CAMK2A: variants seen among roughly 807,000 people sequenced by gnomAD.
CAMK2A encodes calcium/calmodulin-dependent protein kinase type II subunit alpha.
A neutral mutation model predicts 79.2 loss-of-function variants in CAMK2A; 7 were observed. That is an observed-to-expected ratio of 0.09 (90% CI 0.05 to 0.17). The LOEUF is 0.17. Among genes scored for constraint, CAMK2A ranks in the 10% least tolerant of loss-of-function variants. The pLI, the probability that CAMK2A is intolerant of heterozygous loss-of-function variation, is 1.00. For synonymous variants in CAMK2A, 242 were observed against 251.7 expected, an observed-to-expected ratio of 0.96 and a Z score of 0.36; for missense variants, 214 against 646.4, an observed-to-expected ratio of 0.33 and a Z score of 7.25.
chr5:150,260,716 C>A (rs568141588), intron 3 of CAMK2A, among the ~76,000 whole-genome samples: 129 of 152,240 alleles, frequency 8.5e-4, no homozygotes, highest in African/African-American at 3.0e-3. Context: ...TATGGTAGCA[C>A]GTATCATTAA....
rs1754322406 is a variant in CAMK2A at position 150,221,791 on chromosome 5, CA to C, written c.*918del. ...ACTAGAACAGAAAAAAACTACCCCT[CA>C]CCCCTCTTCCTACACCCCTTCCAAC... On this transcript the variant is annotated 3_prime_UTR_variant, in exon 19 of 19. Coordinates refer to ENST00000671881, the MANE Select transcript of CAMK2A (RefSeq NM_015981.4). The C allele has an allele frequency of 2.5e-6, 1 of 394,466 alleles. No individual in the cohort carries two copies. Among genetic ancestry groups the C allele is most frequent in the Non-Finnish European group, 4.5e-6 (1 of 224,212 alleles). 24.4% of individuals were successfully genotyped at this position (394,466 alleles called of 1,614,324 possible).
intron 2 of CAMK2A, among the ~76,000 whole-genome samples, chr5:150,272,794 A>C (rs1039342226): frequency 6.6e-6 from 1 of 151,854 alleles, no homozygotes; most frequent in Non-Finnish European, 1.5e-5. Context: ...GAGAGTAGGG[A>C]AAGGAGGGCC....
At chr5:150,276,805 G>A (rs185429004) in intron 1 of CAMK2A, among the ~76,000 whole-genome samples, 425 of 152,308 alleles carry the variant, frequency 2.8e-3, no homozygotes, top group Non-Finnish European at 4.6e-3. Flanking sequence ...TAGAGGAAGG[G>A]ATGGTTGGAC....
In CAMK2A at chr5:150,284,645, G is replaced by A. The variant is rs1414679008; in HGVS notation, c.62+4919C>T. ...GCTTGGAGGAGAGGGAGGAAAGCTC[G>A]TCCCTTCCCTGTTCCTGCCACCCTT... On this transcript the variant is annotated intron_variant, in intron 1 of 18. Transcript: ENST00000671881. The surrounding 1 kb of genome is among the most constrained non-coding windows in gnomAD (Gnocchi z 5.3). 5.3e-5 allele frequency among the ~76,000 whole-genome samples: 8 copies of A among 152,152 alleles called. No homozygotes were observed. The highest frequency in any genetic ancestry group is 7.2e-5 in the African/African-American group (3 of 41,436).
At chr5:150,286,627 G>C (rs192373289) in intron 1 of CAMK2A, among the ~76,000 whole-genome samples, 1 of 152,352 alleles carries the variant, frequency 6.6e-6, no homozygotes, top group Admixed American at 6.5e-5. Flanking sequence ...TTCTGGAACG[G>C]GGGCTTAGCT....
intron 18 of CAMK2A, 137 bp from the exon 19 acceptor site, chr5:150,222,850 G>A: frequency 2.2e-6 from 3 of 1,384,748 alleles, no homozygotes; most frequent in Admixed American, 3.4e-5. Context: ...CTGCAGGCCT[G>A]GCCCCCTTCT....
chr5:150,267,195 G>T (rs13360565), intron 2 of CAMK2A, among the ~76,000 whole-genome samples: 58,198 of 152,042 alleles, frequency 0.38, 11,701 homozygotes, highest in East Asian at 0.57. Context: ...CAGAGGAAGG[G>T]ATGCCCATCC....
intron 13 of CAMK2A, among the ~76,000 whole-genome samples, chr5:150,242,945 T>C (rs1183131451): frequency 6.6e-6 from 1 of 152,166 alleles, no homozygotes; most frequent in African/African-American, 2.4e-5. Flanking sequence ...AGGAGTTGCC[T>C]TTGAGCTCCT....
Position 150,269,216 on chromosome 5 carries a change from AC to A in CAMK2A, c.157+3848del, listed in dbSNP as rs150524778. ...CAATGCCCATGATGATATCTTGGGA[AC>A]CTTTTTGCTTCCTCCCCAGATGGTT... is the stretch of plus-strand genomic sequence containing the variant. On this transcript the variant is annotated intron_variant, in intron 2 of 18. Coordinates refer to ENST00000671881, the MANE Select transcript of CAMK2A (RefSeq NM_015981.4). 4.4e-3 allele frequency among the ~76,000 whole-genome samples: 665 copies of A among 152,244 alleles called. 4 individuals are homozygous for A. The highest frequency in any genetic ancestry group is 0.015 in the African/African-American group (633 of 41,550).
chr5:150,265,731 C>T (rs1444063714), intron 2 of CAMK2A, among the ~76,000 whole-genome samples: 1 of 152,074 alleles, frequency 6.6e-6, no homozygotes, highest in Non-Finnish European at 1.5e-5. Context: ...CACTTGAGCT[C>T]AGGAGTTCGA....
chr5:150,285,705 A>G (rs1757396387), intron 1 of CAMK2A, among the ~76,000 whole-genome samples: 1 of 151,966 alleles, frequency 6.6e-6, no homozygotes, highest in Admixed American at 6.6e-5. Context: ...CCTTGAGTCA[A>G]TTTCAGATCT....
Position 150,221,788 on chromosome 5 carries a change from C to T in CAMK2A, c.*922G>A, listed in dbSNP as rs1455081215. 5.1e-6 allele frequency: 2 copies of T among 395,220 alleles called. No homozygotes were observed. Among genetic ancestry groups the T allele is most frequent in the Non-Finnish European group, 8.9e-6 (2 of 224,618 alleles). 24.5% of individuals were successfully genotyped at this position (395,220 alleles called of 1,614,324 possible). On this transcript the variant is annotated 3_prime_UTR_variant, in exon 19 of 19. Transcript: ENST00000671881. The stretch of plus-strand genomic sequence containing the variant: ...AAAACTAGAACAGAAAAAAACTACC[C>T]CTCACCCCTCTTCCTACACCCCTTC...
intron 13 of CAMK2A, 138 bp from the exon 14 acceptor site, chr5:150,239,874 C>G (rs1030802339): frequency 2.6e-6 from 2 of 768,494 alleles, no homozygotes; most frequent in East Asian, 2.5e-5. Flanking sequence ...GGCTTGGCAT[C>G]GGGACAAGGA....
At chr5:150,248,797 T>C (rs557725724) in intron 11 of CAMK2A, among the ~76,000 whole-genome samples, 1 of 152,168 alleles carries the variant, frequency 6.6e-6, no homozygotes, top group African/African-American at 2.4e-5. Flanking sequence ...AATAAATATA[T>C]GTGTGCATGT....
At chr5:150,250,406 G>T in intron 10 of CAMK2A, 97 bp from the exon 11 acceptor site, 2 of 1,032,964 alleles carry the variant, frequency 1.9e-6, no homozygotes, top group African/African-American at 1.6e-5. Flanking sequence ...ATGGAGGTGT[G>T]GTTGACATCT....
At chr5:150,249,662 C>T (rs1011736506) in intron 11 of CAMK2A, among the ~76,000 whole-genome samples, 6 of 152,118 alleles carry the variant, frequency 3.9e-5, no homozygotes, top group Non-Finnish European at 7.4e-5. Context: ...ATTTTCCTGC[C>T]TCAGCCTCCT....
chr5:150,225,981 G>A (rs1754581999), intron 17 of CAMK2A, among the ~76,000 whole-genome samples: 1 of 152,176 alleles, frequency 6.6e-6, no homozygotes, highest in African/African-American at 2.4e-5. Context: ...CTGACCTCAG[G>A]TGATCCTCCC....
chr5:150,240,879 C>T (rs967694915), intron 13 of CAMK2A, among the ~76,000 whole-genome samples: 2 of 152,236 alleles, frequency 1.3e-5, no homozygotes, highest in African/African-American at 4.8e-5. Context: ...AGGCCCCTCT[C>T]CCTGCTGGAA....
At chr5:150,268,699 A>G (rs1385121049) in intron 2 of CAMK2A, among the ~76,000 whole-genome samples, 1 of 152,178 alleles carries the variant, frequency 6.6e-6, no homozygotes, top group Non-Finnish European at 1.5e-5. Flanking sequence ...CCCATAGCAA[A>G]CAAGTGGCAG....
Sources: gnomAD v4.1 joint callset for allele counts (sites outside exome capture counted in the v4.1 genomes callset) on GRCh38, gnomAD v4.1.1 for gene constraint, Gnocchi (gnomAD v3.1) non-coding constraint, MANE v1.5 for transcripts, NCBI Gene and HGNC (gene_info 2026-07-23, HGNC 2026-07-21) for gene names.